The following MAPK10 variants were observed in gnomAD, a reference collection of about 807,000 sequenced individuals.
MAPK10 encodes the protein mitogen-activated protein kinase 10.
MAPK10 carries 25 observed loss-of-function variants against 59.3 expected under a neutral mutation model. That is an observed-to-expected ratio of 0.42 (90% CI 0.31 to 0.59). The LOEUF (loss-of-function observed/expected upper bound fraction) is 0.59. MAPK10 is among the 20% of genes least tolerant of loss of function. The probability of loss-of-function intolerance (pLI) is 0.15; values close to 1 mark genes in which losing one functional copy is unlikely to be tolerated. For synonymous variants in MAPK10, 190 were observed against 200.5 expected (o/e 0.95, Z 0.44); for missense variants, 351 against 568.9 (o/e 0.62, Z 3.90).
intron 2 of MAPK10, among the ~76,000 whole-genome samples, chr4:86,309,131 G>A (rs2095623494): frequency 6.6e-6 from 1 of 152,048 alleles, no homozygotes; most frequent in Admixed American, 6.5e-5. Context: ...ATTCTTTGCT[G>A]GCACTGATAT....
intron 2 of MAPK10, among the ~76,000 whole-genome samples, chr4:86,312,185 T>C (rs184305418): frequency 3.0e-4 from 45 of 152,202 alleles, no homozygotes; most frequent in Non-Finnish European, 5.7e-4. Flanking sequence ...TTTAAATACT[T>C]CTAGTGACAA....
intron 2 of MAPK10, among the ~76,000 whole-genome samples, chr4:86,302,016 T>C (rs967169842): frequency 8.1e-5 from 12 of 147,342 alleles, no homozygotes; most frequent in African/African-American, 2.9e-4. Context: ...AATCAATATA[T>C]GAACATTTTT....
At chr4:86,479,384 C>G (rs754497211) in intron 1 of MAPK10, among the ~76,000 whole-genome samples, 1 of 151,840 alleles carries the variant, frequency 6.6e-6, no homozygotes, top group Admixed American at 6.6e-5. Context: ...CTACAAGGTA[C>G]AGCCCATTTG....
At chr4:86,487,350 AG>A (rs1452586044) in intron 1 of MAPK10, among the ~76,000 whole-genome samples, 1 of 52,806 alleles carries the variant, frequency 1.9e-5, no homozygotes, top group African/African-American at 6.1e-5. Flanking sequence ...AGTTCATAAA[AG>A]AGAGAGAGAG....
intron 11 of MAPK10, among the ~76,000 whole-genome samples, chr4:86,036,549 A>T (rs2040344451): frequency 6.6e-6 from 1 of 152,184 alleles, no homozygotes; most frequent in Non-Finnish European, 1.5e-5. Context: ...GGAAACTAAG[A>T]TTCAAGGAAA....
intron 2 of MAPK10, among the ~76,000 whole-genome samples, chr4:86,296,717 G>T (rs903421860): frequency 2.6e-5 from 4 of 152,060 alleles, no homozygotes; most frequent in Admixed American, 1.3e-4. Flanking sequence ...GAAAAGCATA[G>T]TAAAATTCTC....
At chr4:86,030,567 AAGTGATCCCCCAGCCT>A (rs1477202297) in intron 12 of MAPK10, among the ~76,000 whole-genome samples, 2 of 152,096 alleles carry the variant, frequency 1.3e-5, no homozygotes, top group African/African-American at 4.8e-5. Context: ...TCCCGGGCTC[AAGTGATCCCCCAGCCT>A]CAGCCTCCCA....
At chr4:86,252,097 G>A (rs1172931641) in intron 2 of MAPK10, among the ~76,000 whole-genome samples, 3 of 120,670 alleles carry the variant, frequency 2.5e-5, no homozygotes, top group East Asian at 2.0e-4. Flanking sequence ...AGTAGGTTGC[G>A]AAAATTTTCT....
chr4:86,366,020 A>G (rs1325138554), intron 1 of MAPK10, among the ~76,000 whole-genome samples: 2 of 152,226 alleles, frequency 1.3e-5, no homozygotes, highest in African/African-American at 2.4e-5. Flanking sequence ...CTCTCCAATC[A>G]AGGAGATCTT....
intron 1 of MAPK10, among the ~76,000 whole-genome samples, chr4:86,431,562 C>G (rs1212708174): frequency 6.6e-6 from 1 of 152,138 alleles, no homozygotes; most frequent in Non-Finnish European, 1.5e-5. Flanking sequence ...TGGCTTAACC[C>G]AGTGTTGCAG....
chr4:86,077,014 A>G (rs934167639), intron 9 of MAPK10, among the ~76,000 whole-genome samples: 3 of 152,168 alleles, frequency 2.0e-5, no homozygotes, highest in African/African-American at 7.2e-5. Flanking sequence ...TATGAAATGC[A>G]TTGAATACAA....
At chr4:86,523,445 C>T (rs1291201926) in intron 1 of MAPK10, among the ~76,000 whole-genome samples, 1 of 152,160 alleles carries the variant, frequency 6.6e-6, no homozygotes, top group East Asian at 1.9e-4. Context: ...CCTTTATTCC[C>T]CATACCAAAG....
intron 2 of MAPK10, among the ~76,000 whole-genome samples, chr4:86,333,663 C>A (rs375037654): frequency 2.0e-5 from 3 of 152,252 alleles, no homozygotes; most frequent in East Asian, 1.9e-4. Context: ...CAGAAAAAGC[C>A]CACAATCTCT....
chr4:86,123,623 A>G (rs532526680), intron 4 of MAPK10: 1 of 152,214 alleles, frequency 6.6e-6, no homozygotes, highest in South Asian at 2.1e-4. Context: ...ATACAGGAAG[A>G]CATAAGAGAT....
intron 3 of MAPK10, among the ~76,000 whole-genome samples, chr4:86,180,789 G>C (rs947033519): frequency 1.4e-4 from 22 of 151,948 alleles, no homozygotes; most frequent in Non-Finnish European, 2.8e-4. Flanking sequence ...ATATATGGAA[G>C]CTAAAAAAAG....
chr4:86,016,013 T>C lies in MAPK10; in HGVS notation c.*1215A>G, dbSNP rs1355844600. The C allele has an allele frequency of 2.6e-5, 4 of 152,152 alleles. No individual in the cohort carries two copies. Among genetic ancestry groups the C allele is most frequent in the Admixed American group, 6.5e-5 (1 of 15,276 alleles). 9.4% of individuals were successfully genotyped at this position (152,152 alleles called of 1,614,324 possible). A position where few individuals can be genotyped will look rare whatever the true frequency, so the allele number is the denominator to read the frequency against. ...CTCAAAATAAAACTTTGGCAGAGTA[T>C]GAATCAGGGAAGCAGCCCACACATG... is the stretch of plus-strand genomic sequence containing the variant. On this transcript the variant is annotated 3_prime_UTR_variant, in exon 14 of 14. Coordinates refer to ENST00000641462, the MANE Select transcript of MAPK10 (RefSeq NM_138982.4).
At chr4:86,520,298 C>T (rs1255337633) in intron 1 of MAPK10, among the ~76,000 whole-genome samples, 2 of 152,086 alleles carry the variant, frequency 1.3e-5, no homozygotes, top group African/African-American at 4.8e-5. Flanking sequence ...TTTTTGGAGG[C>T]TTTGTTCAAT....
At chr4:86,047,463 G>C (rs553804623) in intron 11 of MAPK10, among the ~76,000 whole-genome samples, 3 of 152,250 alleles carry the variant, frequency 2.0e-5, no homozygotes, top group African/African-American at 7.2e-5. Flanking sequence ...GTGGAAAAGG[G>C]AAGCCTAAAG....
chr4:86,508,149 A>G (rs997231755), intron 1 of MAPK10, among the ~76,000 whole-genome samples: 1 of 152,146 alleles, frequency 6.6e-6, no homozygotes, highest in Admixed American at 6.6e-5. Flanking sequence ...GCAAAAAAAT[A>G]TCATTTTCTT....
Sources: allele counts gnomAD v4.1 joint callset (sites outside exome capture counted in the v4.1 genomes callset), GRCh38; gene constraint gnomAD v4.1.1; transcripts MANE v1.5; gene names NCBI Gene and HGNC (gene_info 2026-07-23, HGNC 2026-07-21).